The following PTPRN2 variants were observed in gnomAD, a reference collection of about 807,000 sequenced individuals.
PTPRN2 encodes receptor-type tyrosine-protein phosphatase N2.
In PTPRN2, 74 loss-of-function variants were observed where a neutral mutation model predicts 118.8. The observed-to-expected ratio is 0.62, with a 90% CI of 0.52 to 0.76. The LOEUF is 0.76. PTPRN2 is among the 30% of genes least tolerant of loss of function. The pLI is 0.00. For missense variants in PTPRN2, 1,481 were observed against 1,394.4 expected (o/e 1.06, Z -0.99); for synonymous variants, 641 against 608.0 (o/e 1.05, Z -0.80).
chr7:157,912,548 A>T (rs1798159102), intron 11 of PTPRN2, among the ~76,000 whole-genome samples: 1 of 152,202 alleles, frequency 6.6e-6, no homozygotes, highest in Admixed American at 6.5e-5. Flanking sequence ...TTGTTTAAAA[A>T]ATTCTCCTTT....
In PTPRN2 at chr7:157,868,651, G is replaced by A. The variant is rs1307270372; in HGVS notation, c.1788+30022C>T. ...GGAAATAACTCTGAGCCCTCGAGAT[G>A]AGGGGCTATGCCTTCCCTTGCTCAC... On this transcript the variant is annotated intron_variant, in intron 12 of 22. Coordinates refer to ENST00000389418, the MANE Select transcript of PTPRN2 (RefSeq NM_002847.5). This position sits in a 1 kb window ranked among gnomAD's most constrained non-coding sequence, Gnocchi z 5.2. 6.6e-6 allele frequency: 1 copy of A among 152,202 alleles called. No individual in the cohort carries two copies. Among genetic ancestry groups the A allele is most frequent in the African/African-American group, 2.4e-5 (1 of 41,446 alleles). The allele number at this position is 152,202 out of a possible 1,614,324, so 9.4% of individuals were successfully genotyped here.
chr7:158,212,998 T>C (rs1827710147), intron 3 of PTPRN2, among the ~76,000 whole-genome samples: 1 of 152,216 alleles, frequency 6.6e-6, no homozygotes. Flanking sequence ...ATGATAATTA[T>C]GCTCAAAATT....
chr7:158,110,991 A>G, intron 9 of PTPRN2, 76 bp from the exon 10 acceptor site: 1 of 1,278,236 alleles, frequency 7.8e-7, no homozygotes, highest in South Asian at 1.3e-5. Flanking sequence ...CTGTGGCCCC[A>G]CAGCCCCGCT....
intron 5 of PTPRN2, among the ~76,000 whole-genome samples, chr7:158,186,933 C>T (rs928408236): frequency 1.3e-5 from 2 of 152,176 alleles, no homozygotes; most frequent in African/African-American, 4.8e-5. Context: ...CAAGATAAAT[C>T]AGCTAGTTAA....
rs1489460665 is a variant in PTPRN2 at position 158,526,196 on chromosome 7, C to T, written c.113-36411G>A. Reference sequence around the variant, plus strand: ...ACGGCTCCTGGTGTTGGCAGGGTGCCGGCGGAATCCAGGGCAGGATTCACT... The same window carrying T: ...ACGGCTCCTGGTGTTGGCAGGGTGCTGGCGGAATCCAGGGCAGGATTCACT... On this transcript the variant is annotated intron_variant, in intron 1 of 22. Transcript: ENST00000389418. The surrounding 1 kb of genome is among the most constrained non-coding windows in gnomAD (Gnocchi z 5.2). Among the ~76,000 whole-genome samples, 2 of 152,196 alleles carry T rather than the reference C, an allele frequency of 1.3e-5. No homozygotes were observed. Among genetic ancestry groups the T allele is most frequent in the African/African-American group, 2.4e-5 (1 of 41,460 alleles).
rs1252619205 is a variant in PTPRN2 at position 157,632,742 on chromosome 7, CTTA to C, written c.2197-11236_2197-11234del. Among the ~76,000 whole-genome samples, 3 of 152,238 alleles carry C rather than the reference CTTA, an allele frequency of 2.0e-5. No homozygotes were observed. Among genetic ancestry groups the C allele is most frequent in the African/African-American group, 7.2e-5 (3 of 41,532 alleles). On this transcript the variant is annotated intron_variant, in intron 14 of 22. Transcript: ENST00000389418. The surrounding 1 kb of genome is among the most constrained non-coding windows in gnomAD (Gnocchi z 4.3). ...ATTTTAAATGAACAATTTTATGAAT[CTTA>C]TTATCTTATTTAACATCTTAAAAAT...
intron 12 of PTPRN2, among the ~76,000 whole-genome samples, chr7:157,829,609 C>A (rs969712751): frequency 3.3e-5 from 5 of 152,244 alleles, no homozygotes; most frequent in African/African-American, 1.2e-4. Flanking sequence ...GGTGAAGACT[C>A]CTTACAAAGG....
chr7:158,565,102 G>A lies in PTPRN2; in HGVS notation c.112+22456C>T, dbSNP rs1827593032. Among the ~76,000 whole-genome samples, 2 of 152,174 alleles carry A rather than the reference G, an allele frequency of 1.3e-5. No individual in the cohort carries two copies. The highest frequency in any genetic ancestry group is 2.9e-5 in the Non-Finnish European group (2 of 68,032). On this transcript the variant is annotated intron_variant, in intron 1 of 22. Transcript: ENST00000389418. This position sits in a 1 kb window ranked among gnomAD's most constrained non-coding sequence, Gnocchi z 4.6. ...TTGTATTGTGGAGGAAGGCAAGGATGAAACAAACAAGGCATGGAGGCTTCT... is the reference window on the plus strand; with the variant it reads ...TTGTATTGTGGAGGAAGGCAAGGATAAAACAAACAAGGCATGGAGGCTTCT...
chr7:157,807,701 C>A (rs1256268420), intron 12 of PTPRN2, among the ~76,000 whole-genome samples: 1 of 152,220 alleles, frequency 6.6e-6, no homozygotes, highest in East Asian at 1.9e-4. Flanking sequence ...CTGCAGGGTT[C>A]CATACAGCTG....
intron 11 of PTPRN2, among the ~76,000 whole-genome samples, chr7:158,007,841 G>A (rs1273723499): frequency 6.8e-6 from 1 of 146,494 alleles, no homozygotes; most frequent in Non-Finnish European, 1.5e-5. Flanking sequence ...GGGTGTGTGG[G>A]TGTGTGTGTG....
chr7:158,043,516 A>G (rs1047027219), intron 11 of PTPRN2, among the ~76,000 whole-genome samples: 5 of 152,242 alleles, frequency 3.3e-5, no homozygotes, highest in Admixed American at 2.6e-4. Context: ...TTTTTCAACA[A>G]AAATACTCAC....
intron 17 of PTPRN2, among the ~76,000 whole-genome samples, chr7:157,580,830 C>G (rs1247426662): frequency 5.6e-4 from 51 of 90,544 alleles, no homozygotes; most frequent in Non-Finnish European, 8.3e-4. Context: ...CTGCACACCC[C>G]AGCACCTGCA....
intron 1 of PTPRN2, among the ~76,000 whole-genome samples, chr7:158,553,087 G>A (rs568539793): frequency 5.5e-4 from 82 of 147,842 alleles, no homozygotes; most frequent in African/African-American, 1.8e-3. Context: ...ACCTTCCTGC[G>A]TACACACACA....
At position 157,596,416 on chromosome 7, in the gene PTPRN2, T is replaced by A. The variant is rs1801343501; in HGVS notation, c.2419-1101A>T. Among the ~76,000 whole-genome samples, 1 of 152,208 alleles carries A rather than the reference T, an allele frequency of 6.6e-6. No homozygotes were observed. The highest frequency in any genetic ancestry group is 1.5e-5 in the Non-Finnish European group (1 of 68,028). On this transcript the variant is annotated intron_variant, in intron 16 of 22. Coordinates refer to ENST00000389418, the MANE Select transcript of PTPRN2 (RefSeq NM_002847.5). This position sits in a 1 kb window ranked among gnomAD's most constrained non-coding sequence, Gnocchi z 4.2. ...CGGCTCCCCAGTTTGTCCGAACGCA[T>A]CTTGCTAGCTCCAATGGGAGAAGGT...
chr7:158,500,532 G>C (rs559014506), intron 1 of PTPRN2, among the ~76,000 whole-genome samples: 10 of 152,268 alleles, frequency 6.6e-5, no homozygotes, highest in African/African-American at 2.2e-4. Flanking sequence ...AACCAGGCTT[G>C]GGCTCAAAAA....
intron 10 of PTPRN2, among the ~76,000 whole-genome samples, chr7:158,084,959 C>T (rs1189443220): frequency 7.1e-6 from 1 of 140,130 alleles, no homozygotes; most frequent in African/African-American, 2.7e-5. Context: ...ACCCACGACG[C>T]CCATCCACAC....
rs1032231351 is a variant in PTPRN2 at position 157,986,473 on chromosome 7, G to T, written c.1724-87736C>A. Among the ~76,000 whole-genome samples, 1 of 152,106 alleles carries T rather than the reference G, an allele frequency of 6.6e-6. No homozygotes were observed. On this transcript the variant is annotated intron_variant, in intron 11 of 22. Coordinates refer to ENST00000389418, the MANE Select transcript of PTPRN2 (RefSeq NM_002847.5). This position sits in a 1 kb window ranked among gnomAD's most constrained non-coding sequence, Gnocchi z 4.5. ...AGAGGTGGGGCTGGAGGTCAGAACT[G>T]GCTGCATCCGTCTCCATCTCCCCAA...
chr7:158,569,248 G>A (rs866176278), intron 1 of PTPRN2, among the ~76,000 whole-genome samples: 29 of 152,380 alleles, frequency 1.9e-4, no homozygotes, highest in Middle Eastern at 3.4e-3. Context: ...CGCTGGCCGT[G>A]CCCTGGAGGC....
chr7:158,018,167 T>A (rs1451763946), intron 11 of PTPRN2, among the ~76,000 whole-genome samples: 1 of 152,184 alleles, frequency 6.6e-6, no homozygotes, highest in East Asian at 1.9e-4. Context: ...TGATTCCTCT[T>A]CAAGGAACGT....
Sources: allele counts gnomAD v4.1 joint callset (sites outside exome capture counted in the v4.1 genomes callset), GRCh38; gene constraint gnomAD v4.1.1; non-coding constraint Gnocchi (gnomAD v3.1); transcripts MANE v1.5; gene names NCBI Gene and HGNC (gene_info 2026-07-23, HGNC 2026-07-21).